Variants in SIPA1L1 observed in about 807,000 individuals in gnomAD.
SIPA1L1 encodes the protein signal-induced proliferation-associated 1-like protein 1.
In SIPA1L1, 26 loss-of-function variants were observed where a neutral mutation model predicts 162.7. The observed-to-expected ratio is 0.16, with a 90% CI of 0.12 to 0.22. The LOEUF (loss-of-function observed/expected upper bound fraction) is 0.22. SIPA1L1 is among the 10% of genes least tolerant of loss of function. SIPA1L1 has a pLI of 1.00. For synonymous variants in SIPA1L1, 829 were observed against 837.4 expected (o/e 0.99, Z 0.17); for missense variants, 1,874 against 2,241.0 (o/e 0.84, Z 3.31).
intron 2 of SIPA1L1, among the ~76,000 whole-genome samples, chr14:71,417,330 G>T (rs1488337872): frequency 2.0e-5 from 3 of 150,780 alleles, no homozygotes; most frequent in Non-Finnish European, 4.4e-5. Flanking sequence ...AATTAGCCGG[G>T]CGAGGTGGCG....
intron 10 of SIPA1L1, among the ~76,000 whole-genome samples, chr14:71,665,496 A>G (rs1240899836): frequency 6.6e-6 from 1 of 152,214 alleles, no homozygotes; most frequent in Non-Finnish European, 1.5e-5. Flanking sequence ...GTATCGTTGC[A>G]GTGACCTTAA....
intron 7 of SIPA1L1, among the ~76,000 whole-genome samples, chr14:71,633,291 A>G (rs1316746365): frequency 1.3e-5 from 2 of 151,922 alleles, no homozygotes; most frequent in Non-Finnish European, 2.9e-5. Context: ...CTCCTGAGTA[A>G]TGTGTGTATT....
intron 4 of SIPA1L1, among the ~76,000 whole-genome samples, chr14:71,572,372 A>G (rs1024728296): frequency 6.6e-6 from 1 of 152,204 alleles, no homozygotes; most frequent in Admixed American, 6.5e-5. Flanking sequence ...ATGCCCAGCC[A>G]ACCATCAGTC....
At chr14:71,564,490 C>CTTTTTTTTTTTTTTTTTTTTTTTTTTT (rs370431365) in intron 4 of SIPA1L1, among the ~76,000 whole-genome samples, 2 of 97,778 alleles carry the variant, frequency 2.0e-5, no homozygotes, top group Non-Finnish European at 1.9e-5. Context: ...CATTTTCTTT[C>CTTTTTTTTTTTTTTTTTTTTTTTTTTT]TTTTTTTTTT....
chr14:71,544,222 T>TAC (rs1445648310), intron 4 of SIPA1L1, among the ~76,000 whole-genome samples: 3 of 151,118 alleles, frequency 2.0e-5, no homozygotes, highest in Admixed American at 6.6e-5. Context: ...CATGTGTATA[T>TAC]ACATATATCA....
Position 71,546,112 on chromosome 14 carries a change from T to C in SIPA1L1, c.-303+16742T>C, listed in dbSNP as rs1249180198. Reference sequence around the variant, plus strand: ...AAAAAAAAGAGAGAGAGAAAAAGTCTCATACTTAGGTTTTTTACACTGTGG... The same window carrying C: ...AAAAAAAAGAGAGAGAGAAAAAGTCCCATACTTAGGTTTTTTACACTGTGG... On this transcript the variant is annotated intron_variant, in intron 4 of 23. Transcript: ENST00000381232. 2.0e-5 allele frequency among the ~76,000 whole-genome samples: 3 copies of C among 152,058 alleles called. No homozygotes were observed. In the South Asian group the frequency reaches 6.2e-4, roughly 31 times the overall value.
At position 71,705,278 on chromosome 14, in the gene SIPA1L1, C is replaced by T. The variant is rs202080170; in HGVS notation, c.3703C>T (p.Pro1235Ser). 2.2e-4 allele frequency: 349 copies of T among 1,613,992 alleles called. No individual in the cohort carries two copies. The highest frequency in any genetic ancestry group is 4.9e-5 in the Non-Finnish European group (58 of 1,180,010). The change falls in exon 16 of 24, where the codon CCC becomes TCC. Residue 1235 changes from proline to serine, a missense_variant. Pro to Ser is a moderately conservative substitution (Grantham distance 74). Around this residue, in one of 5 missense-constraint regions of SIPA1L1, gnomAD observed 936 missense variants for 1,051.9 expected, o/e 0.89. Transcript: ENST00000381232. The part of the protein sequence containing the change: ...SKVLPAFRES[P>S]SGRLMRQDPV... ...GGTACTGCCAGCTTTCCGAGAGAGC[C>T]CCAGTGGGAGATTAATGCGGCAGGA... is the stretch of plus-strand genomic sequence containing the variant.
chr14:71,503,141 G>A (rs982967878), intron 2 of SIPA1L1, among the ~76,000 whole-genome samples: 1 of 152,152 alleles, frequency 6.6e-6, no homozygotes, highest in African/African-American at 2.4e-5. Context: ...TTCAAATGGT[G>A]TAGATAGTAT....
chr14:71,631,214 G>A (rs931242750), intron 7 of SIPA1L1, among the ~76,000 whole-genome samples: 8 of 151,966 alleles, frequency 5.3e-5, no homozygotes, highest in Admixed American at 4.6e-4. Flanking sequence ...CCTTTTTTAT[G>A]GCTGCATAGT....
chr14:71,361,745 A>G (rs748641159), intron 2 of SIPA1L1, among the ~76,000 whole-genome samples: 13 of 152,180 alleles, frequency 8.5e-5, no homozygotes, highest in Non-Finnish European at 1.5e-4. Context: ...GCAGTTTGCC[A>G]TGTGGGGTCC....
intron 7 of SIPA1L1, among the ~76,000 whole-genome samples, chr14:71,628,153 G>T (rs2040219451): frequency 6.6e-6 from 1 of 152,152 alleles, no homozygotes; most frequent in Non-Finnish European, 1.5e-5. Flanking sequence ...ACTACACTGT[G>T]AAGTATTAGG....
chr14:71,596,352 C>T (rs2036028335), intron 5 of SIPA1L1, among the ~76,000 whole-genome samples: 2 of 152,264 alleles, frequency 1.3e-5, no homozygotes, highest in Non-Finnish European at 2.9e-5. Flanking sequence ...GAGTGTGGCC[C>T]AGCTCAAAAA....
chr14:71,395,593 T>C (rs967137947), intron 2 of SIPA1L1, among the ~76,000 whole-genome samples: 10 of 152,246 alleles, frequency 6.6e-5, no homozygotes, highest in Admixed American at 2.0e-4. Flanking sequence ...TCCAGGAGTT[T>C]GAGGCTGCAG....
At position 71,496,754 on chromosome 14, in the gene SIPA1L1, CTGT is replaced by C. The variant is rs138941102; in HGVS notation, c.-464-15984_-464-15982del. ...GTTCTGTTTCATTTGTTTTGGTGCT[CTGT>C]TGTTAGGTTGCATGTAGGTTTTTAA... On this transcript the variant is annotated intron_variant, in intron 2 of 23. Coordinates refer to ENST00000381232, the MANE Select transcript of SIPA1L1 (RefSeq NM_001386936.1). Among the ~76,000 whole-genome samples, 464 of 152,254 alleles carry C rather than the reference CTGT, an allele frequency of 3.0e-3. 13 individuals are homozygous for C. In the East Asian group the frequency reaches 0.075, roughly 25 times the overall value.
Position 71,367,401 on chromosome 14 carries a change from G to C in SIPA1L1, c.-465+46220G>C, listed in dbSNP as rs370179086. 2.6e-5 allele frequency among the ~76,000 whole-genome samples: 4 copies of C among 151,168 alleles called. No individual in the cohort carries two copies. The East Asian group carries it at 5.8e-4, about 22-fold the overall frequency. On this transcript the variant is annotated intron_variant, in intron 2 of 23. Coordinates refer to ENST00000381232, the MANE Select transcript of SIPA1L1 (RefSeq NM_001386936.1). ...TGCTCACTGTAAACTCCGCCTCCCGGGTTTCTGCCATTCTCCTGCCTCAGC... is the reference window on the plus strand; with the variant it reads ...TGCTCACTGTAAACTCCGCCTCCCGCGTTTCTGCCATTCTCCTGCCTCAGC...
At chr14:71,488,426 G>C (rs1464251993) in intron 2 of SIPA1L1, among the ~76,000 whole-genome samples, 2 of 152,092 alleles carry the variant, frequency 1.3e-5, no homozygotes, top group Non-Finnish European at 2.9e-5. Context: ...AAAATGGATA[G>C]GACATAATTT....
intron 2 of SIPA1L1, among the ~76,000 whole-genome samples, chr14:71,428,610 T>C (rs542676053): frequency 3.9e-5 from 6 of 151,980 alleles, no homozygotes; most frequent in South Asian, 2.1e-4. Context: ...TGAATGGGGG[T>C]TGGGGAGAAG....
At chr14:71,738,885 T>G in intron 23 of SIPA1L1, 133 bp from the exon 24 acceptor site, 1 of 1,018,864 alleles carries the variant, frequency 9.8e-7, no homozygotes, top group Non-Finnish European at 1.4e-6. Context: ...ACCAGTCCGT[T>G]TAGACAGGTG....
intron 2 of SIPA1L1, among the ~76,000 whole-genome samples, chr14:71,483,323 T>C (rs1042968357): frequency 2.6e-5 from 4 of 152,186 alleles, no homozygotes; most frequent in Non-Finnish European, 4.4e-5. Context: ...TGCTCTGTGG[T>C]ATTTTAGGGT....
Sources: allele counts gnomAD v4.1 joint callset (sites outside exome capture counted in the v4.1 genomes callset), GRCh38; gene constraint gnomAD v4.1.1; regional missense constraint gnomAD v4.1.1; transcripts MANE v1.5; gene names NCBI Gene and HGNC (gene_info 2026-07-23, HGNC 2026-07-21).